The following NBEA variants were observed in gnomAD, a reference collection of about 807,000 sequenced individuals.
NBEA encodes the protein neurobeachin, also known as lysosomal-trafficking regulator 2.
NBEA carries 44 observed loss-of-function variants against 343.4 expected under a neutral mutation model. That is an observed-to-expected ratio of 0.13 (90% CI 0.10 to 0.16). The LOEUF is 0.16. Ranked by LOEUF, NBEA falls within the 10% of genes least tolerant of loss-of-function variation. NBEA has a pLI of 1.00. For synonymous variants in NBEA, 1,175 were observed against 1,238.7 expected, an observed-to-expected ratio of 0.95 and a Z score of 1.08; for missense variants, 2,555 against 3,631.3, an observed-to-expected ratio of 0.70 and a Z score of 7.62.
intron 1 of NBEA, among the ~76,000 whole-genome samples, chr13:35,021,819 C>G (rs905180017): frequency 6.6e-6 from 1 of 152,038 alleles, no homozygotes; most frequent in Non-Finnish European, 1.5e-5. Flanking sequence ...TTATCTTAAG[C>G]CCATAGTACA....
chr13:34,943,055 G>A lies in NBEA; in HGVS notation c.235G>A (p.Gly79Arg). 5 of 1,613,598 alleles carry A rather than the reference G, an allele frequency of 3.1e-6. No homozygotes were observed. Among genetic ancestry groups the A allele is most frequent in the Non-Finnish European group, 4.2e-6 (5 of 1,179,744 alleles). Residue 79 changes from glycine to arginine, a missense_variant, in exon 1 of 59, where the codon GGA becomes AGA. This residue lies in a region of NBEA where 185 missense variants were observed against 290.6 expected (regional missense o/e 0.64). Coordinates refer to ENST00000379939, the MANE Select transcript of NBEA (RefSeq NM_001385012.1). ...NIRMKFAVLI[G>R]LIQVGEVSNR... is the part of the protein sequence containing the mutation. ...CCGGATGAAATTCGCAGTGTTGATT[G>A]GACTCATACAGGTCGGAGAGGTCAG...
At chr13:35,406,963 CTTTTTTTTT>C (rs551559932) in intron 38 of NBEA, among the ~76,000 whole-genome samples, 3 of 136,754 alleles carry the variant, frequency 2.2e-5, no homozygotes, top group Admixed American at 7.4e-5. Context: ...TTTCTTTGCT[CTTTTTTTTT>C]TTTTTTAGAC....
rs1395336721 is a variant in NBEA, at chr13:35,671,462, AG to A, written c.*472del. 1 of 154,302 alleles carries A rather than the reference AG, an allele frequency of 6.5e-6. No individual in the cohort carries two copies. The highest frequency in any genetic ancestry group is 1.4e-5 in the Non-Finnish European group (1 of 69,228). The allele number at this position is 154,302 out of a possible 1,614,324, so 9.6% of individuals were successfully genotyped here. On this transcript the variant is annotated 3_prime_UTR_variant, in exon 59 of 59. Transcript: ENST00000379939. Reference sequence around the variant, plus strand: ...TATTTAAAAGGGATACTTTTGTAAAAGTAAAACCTTGTATAAAGAACAAAAT... The same window carrying A: ...TATTTAAAAGGGATACTTTTGTAAAATAAAACCTTGTATAAAGAACAAAAT...
rs1262916521 is a variant in NBEA at position 35,158,039 on chromosome 13, G to A, written c.2844+769G>A. ...TCTGATGCAGCTACTCAACTCTGCC[G>A]TTCAGTGTGAAAGACAATACATAAT... On this transcript the variant is annotated intron_variant, in intron 21 of 58. Transcript: ENST00000379939. Among the ~76,000 whole-genome samples the A allele has an allele frequency of 3.9e-5, 6 of 152,232 alleles. No homozygotes were observed. In the South Asian group the frequency reaches 6.2e-4, roughly 16 times the overall value.
At chr13:35,395,518 C>A (rs2042702843) in intron 38 of NBEA, among the ~76,000 whole-genome samples, 1 of 152,084 alleles carries the variant, frequency 6.6e-6, no homozygotes, top group African/African-American at 2.4e-5. Flanking sequence ...ACTTAAACCT[C>A]TTTTCTTCAT....
intron 1 of NBEA, among the ~76,000 whole-genome samples, chr13:35,017,604 T>C (rs1301349775): frequency 6.6e-6 from 1 of 152,222 alleles, no homozygotes; most frequent in Non-Finnish European, 1.5e-5. Flanking sequence ...AACATTTTTA[T>C]ATCTTTTTTT....
chr13:35,208,204 G>A (rs2073525899), intron 31 of NBEA, among the ~76,000 whole-genome samples: 1 of 152,044 alleles, frequency 6.6e-6, no homozygotes, highest in Non-Finnish European at 1.5e-5. Flanking sequence ...GGGTGACCGA[G>A]TGAAATTCTG....
intron 1 of NBEA, among the ~76,000 whole-genome samples, chr13:35,038,113 T>G (rs1375513229): frequency 6.6e-6 from 1 of 152,058 alleles, no homozygotes; most frequent in East Asian, 1.9e-4. Context: ...TTTTCCCCTT[T>G]CCAAAGGCTG....
At chr13:34,998,756 A>G (rs1207495022) in intron 1 of NBEA, among the ~76,000 whole-genome samples, 1 of 152,096 alleles carries the variant, frequency 6.6e-6, no homozygotes, top group Non-Finnish European at 1.5e-5. Context: ...ATATTGTTCA[A>G]ACACACATGC....
Position 34,995,219 on chromosome 13 carries a change from AAG to A in NBEA, c.295-45713_295-45712del, listed in dbSNP as rs1337422317. On this transcript the variant is annotated intron_variant, in intron 1 of 58. Coordinates refer to ENST00000379939, the MANE Select transcript of NBEA (RefSeq NM_001385012.1). ...TGTAATCCCAGCACTTTGGGAGGCCAAGGCAGGAGGATCACTTGAGGTCAGGA... is the reference window on the plus strand; with the variant it reads ...TGTAATCCCAGCACTTTGGGAGGCCAGCAGGAGGATCACTTGAGGTCAGGA... 5.3e-5 allele frequency among the ~76,000 whole-genome samples: 8 copies of A among 152,262 alleles called. No individual in the cohort carries two copies. In the East Asian group the frequency reaches 1.5e-3, roughly 29 times the overall value.
At chr13:35,502,101 A>G (rs1164486813) in intron 41 of NBEA, among the ~76,000 whole-genome samples, 1 of 152,154 alleles carries the variant, frequency 6.6e-6, no homozygotes, top group East Asian at 1.9e-4. Flanking sequence ...AGAGATGGAC[A>G]GAAATCACAG....
At chr13:34,950,460 A>G (rs1012847848) in intron 1 of NBEA, among the ~76,000 whole-genome samples, 1 of 151,986 alleles carries the variant, frequency 6.6e-6, no homozygotes. Context: ...TTGGGTTTCT[A>G]TCCATTTGTG....
intron 40 of NBEA, among the ~76,000 whole-genome samples, chr13:35,468,118 C>CA (rs2075474605): frequency 1.4e-5 from 2 of 145,364 alleles, no homozygotes; most frequent in Non-Finnish European, 3.0e-5. Flanking sequence ...ACCCCCCCCC[C>CA]ACTCCCCTCC....
chr13:35,188,716 A>G (rs1035715189), intron 30 of NBEA, among the ~76,000 whole-genome samples: 3 of 152,082 alleles, frequency 2.0e-5, no homozygotes, highest in Non-Finnish European at 4.4e-5. Flanking sequence ...TCTTTCAAAT[A>G]CTGATTTCAT....
intron 41 of NBEA, among the ~76,000 whole-genome samples, chr13:35,484,274 G>A (rs8001626): frequency 0.57 from 64,765 of 114,208 alleles, 18,009 homozygotes; most frequent in Non-Finnish European, 0.67. Context: ...GTGTGTGTGT[G>A]TATATATATA....
chr13:35,001,149 C>G (rs944765143), intron 1 of NBEA, among the ~76,000 whole-genome samples: 1 of 151,912 alleles, frequency 6.6e-6, no homozygotes, highest in Admixed American at 6.6e-5. Flanking sequence ...AAAATAATAA[C>G]TAGGGTAACT....
chr13:35,161,899 T>A lies in NBEA; in HGVS notation c.4011T>A (p.Ser1337=). 1.9e-6 allele frequency: 3 copies of A among 1,580,084 alleles called. No homozygotes were observed. Among genetic ancestry groups the A allele is most frequent in the Non-Finnish European group, 2.6e-6 (3 of 1,162,656 alleles). The change falls in exon 23 of 59, where the codon TCT becomes TCA. Residue 1337 remains serine, a synonymous_variant. Transcript: ENST00000379939. ...TTCGTATTCCTGAGTTTAAATGGTC[T>A]CCAATGCACCAGCGGCTTCTCACTG... ...TMFRIPEFKW[S]PMHQRLLTDL...
rs534459667 is a variant in NBEA, at chr13:35,387,392, T to C, written c.6179+35069T>C. Among the ~76,000 whole-genome samples, 15 of 152,298 alleles carry C rather than the reference T, an allele frequency of 9.8e-5. No homozygotes were observed. The East Asian group carries it at 2.5e-3, about 25-fold the overall frequency. ...CTTGCGAATTGATTTTTTTTCCCTT[T>C]TTTTCTTTTTATTTCCTTGAAAATT... On this transcript the variant is annotated intron_variant, in intron 38 of 58. Coordinates refer to ENST00000379939, the MANE Select transcript of NBEA (RefSeq NM_001385012.1).
chr13:35,136,399 T>A (rs887219298), intron 17 of NBEA, among the ~76,000 whole-genome samples: 36 of 152,272 alleles, frequency 2.4e-4, no homozygotes, highest in African/African-American at 8.7e-4. Flanking sequence ...GATTCCAAGT[T>A]TTTGTATTAA....
Sources: gnomAD v4.1 joint callset for allele counts (sites outside exome capture counted in the v4.1 genomes callset) on GRCh38, gnomAD v4.1.1 for gene constraint, gnomAD v4.1.1 regional missense constraint, MANE v1.5 for transcripts, NCBI Gene and HGNC (gene_info 2026-07-23, HGNC 2026-07-21) for gene names.